Variants in APIP observed in about 807,000 individuals in gnomAD.
APIP encodes methylthioribulose-1-phosphate dehydratase.
APIP carries 32 observed loss-of-function variants against 32.0 expected under a neutral mutation model. The ratio of observed to expected loss-of-function variants is 1.00; its 90% CI spans 0.76 to 1.34. The LOEUF is 1.34. Ranked by LOEUF, APIP falls within the 40% of genes most tolerant of loss-of-function variation. The pLI is 0.00. For synonymous variants in APIP, 92 were observed against 94.8 expected (o/e 0.97, Z 0.17); for missense variants, 247 against 298.6 (o/e 0.83, Z 1.27).
At chr11:34,883,948 A>G (rs368369695) in intron 5 of APIP, among the ~76,000 whole-genome samples, 5 of 152,216 alleles carry the variant, frequency 3.3e-5, no homozygotes, top group African/African-American at 1.2e-4. Flanking sequence ...CAGAATCCCA[A>G]AGTATCTGAG....
intron 1 of APIP, among the ~76,000 whole-genome samples, chr11:34,903,763 T>C (rs1853401302): frequency 6.6e-6 from 1 of 152,026 alleles, no homozygotes; most frequent in South Asian, 2.1e-4. Context: ...ACCTCAGTAC[T>C]CCCCTACAGA....
intron 3 of APIP, among the ~76,000 whole-genome samples, chr11:34,889,525 T>C (rs916235166): frequency 1.3e-5 from 2 of 152,086 alleles, no homozygotes; most frequent in African/African-American, 4.8e-5. Flanking sequence ...ATGTGGAGGT[T>C]TGTTACATAG....
At chr11:34,888,947 T>A in intron 3 of APIP, 78 bp from the exon 4 acceptor site, 3 of 802,986 alleles carry the variant, frequency 3.7e-6, no homozygotes, top group Non-Finnish European at 5.5e-6. Flanking sequence ...CTTGTGTACA[T>A]ATACATAAGA....
chr11:34,909,654 G>C (rs1048112249), intron 1 of APIP, among the ~76,000 whole-genome samples: 2 of 152,302 alleles, frequency 1.3e-5, no homozygotes, highest in African/African-American at 2.4e-5. Context: ...CAGTTGGCTA[G>C]AGCAGAGTGA....
intron 2 of APIP, 22 bp from the exon 3 acceptor site, chr11:34,890,574 A>C: frequency 6.2e-7 from 1 of 1,607,418 alleles, no homozygotes; most frequent in Non-Finnish European, 8.5e-7. Flanking sequence ...AAACATACAA[A>C]TTGGTATTTA....
chr11:34,883,562 T>C lies in APIP; in HGVS notation c.462-58A>G, dbSNP rs1366370500. 3.6e-5 allele frequency: 55 copies of C among 1,530,990 alleles called. 2 individuals carry two copies. In the South Asian group the frequency reaches 3.9e-4, roughly 11 times the overall value. 94.8% of individuals were successfully genotyped at this position (1,530,990 alleles called of 1,614,324 possible). A position where few individuals can be genotyped will look rare whatever the true frequency, so the allele number is the denominator to read the frequency against. On this transcript the variant is annotated intron_variant, in intron 5 of 6. Transcript: ENST00000395787. The stretch of plus-strand genomic sequence containing the variant: ...AAAACAAATCAAGCATTGATATGTA[T>C]ACAACATGTAATTTTTTCAAGTAAC...
chr11:34,908,893 T>C (rs1853497401), intron 1 of APIP, among the ~76,000 whole-genome samples: 1 of 152,322 alleles, frequency 6.6e-6, no homozygotes, highest in Non-Finnish European at 1.5e-5. Context: ...GGGTCTTCTA[T>C]GCTATGCACA....
At chr11:34,885,247 C>CTATTATATATA (rs1243793261) in intron 5 of APIP, among the ~76,000 whole-genome samples, 1 of 147,108 alleles carries the variant, frequency 6.8e-6, no homozygotes, top group Non-Finnish European at 1.5e-5. Flanking sequence ...GTATATATAA[C>CTATTATATATA]TATACATATA....
At chr11:34,897,548 T>C (rs536413833) in intron 1 of APIP, among the ~76,000 whole-genome samples, 8 of 151,306 alleles carry the variant, frequency 5.3e-5, no homozygotes, top group African/African-American at 1.7e-4. Context: ...TTTCTTTTAA[T>C]AATGCAGCTT....
At chr11:34,900,706 G>A (rs1853358398) in intron 1 of APIP, among the ~76,000 whole-genome samples, 1 of 152,076 alleles carries the variant, frequency 6.6e-6, no homozygotes, top group Non-Finnish European at 1.5e-5. Flanking sequence ...AGGTGAGGAA[G>A]AAGTGGAAAC....
chr11:34,895,178 T>C (rs1471910389), intron 1 of APIP, 68 bp from the exon 2 acceptor site: 1 of 1,369,560 alleles, frequency 7.3e-7, no homozygotes, highest in East Asian at 2.3e-5. Flanking sequence ...AGCTGGTGTT[T>C]CTAATAAGAA....
At chr11:34,904,343 C>T (rs1489597678) in intron 1 of APIP, among the ~76,000 whole-genome samples, 1 of 152,188 alleles carries the variant, frequency 6.6e-6, no homozygotes, top group Non-Finnish European at 1.5e-5. Flanking sequence ...CTCCATTGTG[C>T]TTGGAGACCC....
At chr11:34,886,070 T>G (rs1853065895) in intron 5 of APIP, among the ~76,000 whole-genome samples, 1 of 94,298 alleles carries the variant, frequency 1.1e-5, no homozygotes, top group Admixed American at 1.0e-4. Context: ...TAGGGTGTAC[T>G]CCTTCTACTT....
chr11:34,887,830 T>G (rs975817104), intron 5 of APIP, among the ~76,000 whole-genome samples: 1 of 152,096 alleles, frequency 6.6e-6, no homozygotes, highest in African/African-American at 2.4e-5. Context: ...CCTTAAACAC[T>G]GAAAAATTCT....
intron 1 of APIP, among the ~76,000 whole-genome samples, chr11:34,899,375 T>C (rs1378816132): frequency 6.6e-6 from 1 of 152,246 alleles, no homozygotes; most frequent in African/African-American, 2.4e-5. Context: ...TTAGTCTCAA[T>C]ATTGTCCCAT....
At chr11:34,896,939 G>T in intron 1 of APIP, 1 of 564,146 alleles carries the variant, frequency 1.8e-6, no homozygotes, top group Non-Finnish European at 2.9e-6. Context: ...AGACCCCACT[G>T]AGGTCTACCT....
At chr11:34,895,730 TTA>T (rs1370300420) in intron 1 of APIP, among the ~76,000 whole-genome samples, 2 of 139,688 alleles carry the variant, frequency 1.4e-5, no homozygotes, top group Non-Finnish European at 1.6e-5. Context: ...AGATACGTGT[TTA>T]TGAGTGTATG....
intron 1 of APIP, among the ~76,000 whole-genome samples, chr11:34,906,473 C>T (rs1034977873): frequency 4.6e-5 from 7 of 152,174 alleles, no homozygotes; most frequent in Non-Finnish European, 1.0e-4. Context: ...AGCCAGAGGT[C>T]TAGTCTGGAT....
chr11:34,912,829 C>T (rs1235382160), intron 1 of APIP, among the ~76,000 whole-genome samples: 1 of 152,132 alleles, frequency 6.6e-6, no homozygotes, highest in Non-Finnish European at 1.5e-5. Context: ...TAATAAACTT[C>T]CCTTTATATA....
Sources: gnomAD v4.1 joint callset for allele counts (sites outside exome capture counted in the v4.1 genomes callset) on GRCh38, gnomAD v4.1.1 for gene constraint, MANE v1.5 for transcripts, NCBI Gene and HGNC (gene_info 2026-07-23, HGNC 2026-07-21) for gene names.